The following GCSAML variants were observed in gnomAD, a reference collection of about 807,000 sequenced individuals.
GCSAML encodes the protein germinal center associated signaling and motility like, also known as germinal center-associated signaling and motility-like protein.
A neutral mutation model predicts 13.0 loss-of-function variants in GCSAML; 9 were observed. The ratio of observed to expected loss-of-function variants is 0.69; its 90% confidence interval spans 0.42 to 1.21. The LOEUF (loss-of-function observed/expected upper bound fraction) is 1.21. Ranked by LOEUF, GCSAML falls within the 50% of genes most tolerant of loss-of-function variation. The pLI is 0.00. For missense variants in GCSAML, 143 were observed against 153.4 expected (o/e 0.93, Z 0.36); for synonymous variants, 37 against 52.9 (o/e 0.70, Z 1.31).
At chr1:247,558,796 A>G (rs1459626213) in intron 2 of GCSAML, among the ~76,000 whole-genome samples, 1 of 152,180 alleles carries the variant, frequency 6.6e-6, no homozygotes, top group East Asian at 1.9e-4. Flanking sequence ...AGGAAATACT[A>G]TTATTGTCTA....
At chr1:247,546,451 C>T (rs931526852), upstream of GCSAML, among the ~76,000 whole-genome samples, 14 of 152,156 alleles carry the variant, frequency 9.2e-5, no homozygotes, top group South Asian at 4.2e-4. Flanking sequence ...CTCCGCCTTC[C>T]GGGTTCACGC....
chr1:247,554,957 A>G (rs941853634), intron 1 of GCSAML, among the ~76,000 whole-genome samples: 14 of 152,184 alleles, frequency 9.2e-5, no homozygotes, highest in African/African-American at 3.4e-4. Flanking sequence ...CTATTTTTGA[A>G]AACAATAGAG....
At chr1:247,515,420 G>T (rs1666177286) in intron 1 of GCSAML, among the ~76,000 whole-genome samples, 1 of 152,220 alleles carries the variant, frequency 6.6e-6, no homozygotes, top group African/African-American at 2.4e-5. Context: ...TATGAAAAAG[G>T]AATGGTAACT....
intron 1 of GCSAML, chr1:247,525,480 C>T (rs1401661302): frequency 6.6e-6 from 1 of 152,244 alleles, no homozygotes; most frequent in Non-Finnish European, 1.5e-5. Flanking sequence ...GAGCAGCCCA[C>T]AGAACTCATG....
chr1:247,532,023 G>T (rs1314832938), intron 2 of GCSAML: 9 of 1,614,002 alleles, frequency 5.6e-6, no homozygotes, highest in Non-Finnish European at 7.6e-6. Context: ...GGAGCATGGT[G>T]AGCGTGGAGC....
intron 4 of GCSAML, among the ~76,000 whole-genome samples, chr1:247,569,266 G>A (rs938955325): frequency 2.6e-5 from 4 of 152,182 alleles, no homozygotes; most frequent in African/African-American, 7.2e-5. Context: ...GAGAGAGAGG[G>A]CATACTTTTC....
At chr1:247,516,397 G>A (rs902677193) in intron 1 of GCSAML, among the ~76,000 whole-genome samples, 3 of 152,166 alleles carry the variant, frequency 2.0e-5, no homozygotes, top group African/African-American at 7.2e-5. Context: ...GATTCCTTGT[G>A]TCCATGTTAC....
chr1:247,574,456 C>T lies in GCSAML; in HGVS notation c.*74C>T. 6.6e-7 allele frequency: 1 copy of T among 1,523,278 alleles called. No individual in the cohort carries two copies. The highest frequency in any genetic ancestry group is 9.0e-7 in the Non-Finnish European group (1 of 1,116,068). The allele number at this position is 1,523,278 out of a possible 1,614,324, so 94.4% of individuals were successfully genotyped here. A position where few individuals can be genotyped will look rare whatever the true frequency, so the allele number is the denominator to read the frequency against. The stretch of plus-strand genomic sequence containing the variant: ...TAGCAGACTCTGGCGAAGTTGTTCA[C>T]CCTGAGCAGTGCATGAAACATTCCT... On this transcript the variant is annotated 3_prime_UTR_variant, in exon 5 of 5. Transcript: ENST00000366488.
chr1:247,556,264 T>C (rs1667941785), intron 1 of GCSAML, 143 bp from the exon 2 acceptor site: 2 of 629,538 alleles, frequency 3.2e-6, no homozygotes, highest in South Asian at 3.9e-5. Context: ...TATCTGTGAC[T>C]GCTTATTGAT....
chr1:247,542,082 TG>T (rs1440827683), intron 2 of GCSAML, among the ~76,000 whole-genome samples: 1 of 151,964 alleles, frequency 6.6e-6, no homozygotes, highest in African/African-American at 2.4e-5. Context: ...ATATGCTTTT[TG>T]TGTTTTCATA....
chr1:247,574,121 C>A, intron 4 of GCSAML, 22 bp from the exon 5 acceptor site: 1 of 1,613,012 alleles, frequency 6.2e-7, no homozygotes, highest in Non-Finnish European at 8.5e-7. Context: ...TCCTTGATTT[C>A]TTTTCTCTTT....
upstream of GCSAML, among the ~76,000 whole-genome samples, chr1:247,548,282 T>C (rs1274043496): frequency 6.6e-6 from 1 of 152,208 alleles, no homozygotes; most frequent in Non-Finnish European, 1.5e-5. The surrounding 1 kb of genome is among the most constrained non-coding windows in gnomAD (Gnocchi z 5.3). Flanking sequence ...CTGCCGCTGA[T>C]ATTGTGGCCT....
At chr1:247,540,467 G>A (rs7550776) in intron 2 of GCSAML, among the ~76,000 whole-genome samples, 7,794 of 152,238 alleles carry the variant, frequency 0.051, 638 homozygotes, top group African/African-American at 0.17. Context: ...ATTTCTCTCC[G>A]GAGCACTGTT....
chr1:247,525,127 C>T (rs973441653), intron 1 of GCSAML: 19 of 152,210 alleles, frequency 1.2e-4, no homozygotes, highest in African/African-American at 4.6e-4. Context: ...ATAATGTCAA[C>T]ATGTTCTATA....
chr1:247,532,716 C>G, intron 2 of GCSAML: 2 of 578,706 alleles, frequency 3.5e-6, no homozygotes, highest in Non-Finnish European at 6.1e-6. Context: ...CCCACCTCAA[C>G]TTCCTTGGTA....
At chr1:247,573,036 G>A (rs1374225894) in intron 4 of GCSAML, among the ~76,000 whole-genome samples, 1 of 152,202 alleles carries the variant, frequency 6.6e-6, no homozygotes, top group Non-Finnish European at 1.5e-5. Flanking sequence ...AAGCTCGAAT[G>A]TCCCAGGTCG....
At position 247,574,466 on chromosome 1, in the gene GCSAML, T is replaced by A; in HGVS notation, c.*84T>A. On this transcript the variant is annotated 3_prime_UTR_variant, in exon 5 of 5. Transcript: ENST00000366488. ...TGGCGAAGTTGTTCACCCTGAGCAGTGCATGAAACATTCCTTTCTGGCTAA... is the reference window on the plus strand; with the variant it reads ...TGGCGAAGTTGTTCACCCTGAGCAGAGCATGAAACATTCCTTTCTGGCTAA... 2.8e-6 allele frequency: 4 copies of A among 1,419,022 alleles called. No homozygotes were observed. The highest frequency in any genetic ancestry group is 3.9e-6 in the Non-Finnish European group (4 of 1,037,356). 87.9% of individuals were successfully genotyped at this position (1,419,022 alleles called of 1,614,324 possible).
intron 4 of GCSAML, among the ~76,000 whole-genome samples, chr1:247,570,481 G>A (rs1329280869): frequency 6.6e-6 from 1 of 152,090 alleles, no homozygotes; most frequent in African/African-American, 2.4e-5. Context: ...AGTCATTCAG[G>A]AGCAGGTTGT....
intron 1 of GCSAML, among the ~76,000 whole-genome samples, chr1:247,512,240 G>A (rs1245642080): frequency 6.6e-6 from 1 of 151,450 alleles, no homozygotes; most frequent in Non-Finnish European, 1.5e-5. Context: ...TTGTCTTCAC[G>A]CTTTATTTCA....
Sources: allele counts gnomAD v4.1 joint callset (sites outside exome capture counted in the v4.1 genomes callset), GRCh38; gene constraint gnomAD v4.1.1; non-coding constraint Gnocchi (gnomAD v3.1); transcripts MANE v1.5; gene names NCBI Gene and HGNC (gene_info 2026-07-23, HGNC 2026-07-21).